SUPT3H: variants seen among roughly 807,000 people sequenced by gnomAD.
SUPT3H encodes the protein SPT3 homolog, SAGA and STAGA complex component.
A neutral mutation model predicts 44.3 loss-of-function variants in SUPT3H; 44 were observed. The ratio of observed to expected loss-of-function variants is 0.99; its 90% CI spans 0.78 to 1.28. The LOEUF (loss-of-function observed/expected upper bound fraction) is 1.28, where lower values mean the gene tolerates loss of function less well. Among genes scored for constraint, SUPT3H ranks in the 50% most tolerant of loss-of-function variants. SUPT3H has a pLI of 0.00. For synonymous variants in SUPT3H, 124 were observed against 125.6 expected, an observed-to-expected ratio of 0.99 and a Z score of 0.09; for missense variants, 380 against 387.1, an observed-to-expected ratio of 0.98 and a Z score of 0.15.
At chr6:44,980,064 G>T (rs547743723) in intron 6 of SUPT3H, among the ~76,000 whole-genome samples, 1 of 152,122 alleles carries the variant, frequency 6.6e-6, no homozygotes, top group Non-Finnish European at 1.5e-5. Flanking sequence ...TCACATAAAT[G>T]AATTCTGGAG....
chr6:45,328,796 C>T, intron 2 of SUPT3H: 1 of 1,611,348 alleles, frequency 6.2e-7, no homozygotes, highest in Non-Finnish European at 8.5e-7. Context: ...TAAGTGTTAC[C>T]ATTTTTAAAA....
chr6:45,253,856 T>TATATATATATATATATATATATAC (rs1166512792), intron 2 of SUPT3H, among the ~76,000 whole-genome samples: 4 of 135,632 alleles, frequency 2.9e-5, no homozygotes, highest in Non-Finnish European at 6.4e-5. Context: ...CGCATATATA[T>TATATATATATATATATATATATAC]ATATATATAT....
chr6:44,876,995 C>A (rs978690908), intron 10 of SUPT3H, among the ~76,000 whole-genome samples: 1 of 152,014 alleles, frequency 6.6e-6, no homozygotes, highest in Non-Finnish European at 1.5e-5. Context: ...GTAGGTTATA[C>A]CTCAAGGAAA....
intron 10 of SUPT3H, among the ~76,000 whole-genome samples, chr6:44,923,289 A>G (rs928864987): frequency 2.0e-5 from 3 of 152,126 alleles, no homozygotes; most frequent in African/African-American, 7.2e-5. Context: ...CCATTAGAGA[A>G]AAGTGATTTG....
At chr6:44,975,515 G>C (rs940722878) in intron 6 of SUPT3H, among the ~76,000 whole-genome samples, 1 of 146,640 alleles carries the variant, frequency 6.8e-6, no homozygotes, top group African/African-American at 2.5e-5. Context: ...TCACTTATAA[G>C]TAAGAACTAA....
intron 1 of SUPT3H, among the ~76,000 whole-genome samples, chr6:45,375,371 A>G (rs1170789434): frequency 6.6e-6 from 1 of 152,200 alleles, no homozygotes; most frequent in Non-Finnish European, 1.5e-5. Context: ...TTGTGCTGGA[A>G]CAATCAGGCT....
chr6:45,356,395 TTTC>T (rs1334219500), intron 2 of SUPT3H, among the ~76,000 whole-genome samples: 1 of 151,914 alleles, frequency 6.6e-6, no homozygotes. Context: ...TCAATTCTCA[TTTC>T]TTTTTTTTTC....
At chr6:45,144,265 C>T (rs1382212583) in intron 2 of SUPT3H, among the ~76,000 whole-genome samples, 3 of 152,066 alleles carry the variant, frequency 2.0e-5, no homozygotes, top group Non-Finnish European at 4.4e-5. Context: ...AGAACATGTT[C>T]CTGATGGACG....
intron 2 of SUPT3H, among the ~76,000 whole-genome samples, chr6:45,272,274 A>G (rs940886946): frequency 2.0e-5 from 3 of 152,104 alleles, no homozygotes; most frequent in African/African-American, 7.2e-5. Context: ...CTGTGTCCCC[A>G]CCCAAACCTC....
chr6:45,300,620 T>C lies in SUPT3H; in HGVS notation c.101+64581A>G, dbSNP rs191565354. Among the ~76,000 whole-genome samples the C allele has an allele frequency of 3.4e-3, 515 of 152,254 alleles. 3 individuals are homozygous for C. Among genetic ancestry groups the C allele is most frequent in the Non-Finnish European group, 3.6e-3 (248 of 68,034 alleles). ...TGGAAGATAGGAAGCGACGGCTTAA[T>C]GGGTTTGGAGTTATCCTATGGGTTG... On this transcript the variant is annotated intron_variant, in intron 2 of 10. Coordinates refer to ENST00000371459, the MANE Select transcript of SUPT3H (RefSeq NM_003599.4).
chr6:45,296,980 A>G (rs1781387278), intron 2 of SUPT3H, among the ~76,000 whole-genome samples: 2 of 151,370 alleles, frequency 1.3e-5, no homozygotes, highest in South Asian at 4.2e-4. Context: ...TAATCTGCTC[A>G]GGTGATGAGT....
At chr6:44,971,094 T>G (rs1465800251) in intron 6 of SUPT3H, among the ~76,000 whole-genome samples, 4 of 152,244 alleles carry the variant, frequency 2.6e-5, no homozygotes, top group East Asian at 3.8e-4. Context: ...TTGTTGCTAC[T>G]ATGTGATTTA....
intron 3 of SUPT3H, among the ~76,000 whole-genome samples, chr6:45,052,561 T>C (rs1790464959): frequency 6.6e-6 from 1 of 152,216 alleles, no homozygotes; most frequent in Non-Finnish European, 1.5e-5. Context: ...TCAATGTAAT[T>C]AGACACCTTT....
At chr6:44,823,768 C>A (rs1174919031), downstream of SUPT3H, among the ~76,000 whole-genome samples, 1 of 152,064 alleles carries the variant, frequency 6.6e-6, no homozygotes, top group Admixed American at 6.5e-5. Context: ...TCGAGACCAA[C>A]CTGGCCAACA....
intron 3 of SUPT3H, among the ~76,000 whole-genome samples, chr6:45,090,278 A>ATG (rs1182958379): frequency 2.0e-5 from 3 of 152,064 alleles, no homozygotes; most frequent in African/African-American, 7.2e-5. Flanking sequence ...CTCAGTGTAA[A>ATG]TAAAAGGATA....
At chr6:44,868,093 T>C (rs1042768576) in intron 10 of SUPT3H, among the ~76,000 whole-genome samples, 2 of 152,222 alleles carry the variant, frequency 1.3e-5, no homozygotes, top group Non-Finnish European at 2.9e-5. Flanking sequence ...CCAAGTTCTT[T>C]TCCCGTTAAA....
Position 44,891,756 on chromosome 6 carries a change from T to C in SUPT3H, c.912+40897A>G, listed in dbSNP as rs185876487. Among the ~76,000 whole-genome samples, 49 of 152,198 alleles carry C rather than the reference T, an allele frequency of 3.2e-4. No homozygotes were observed. The East Asian group carries it at 8.3e-3, about 26-fold the overall frequency. On this transcript the variant is annotated intron_variant, in intron 10 of 10. Coordinates refer to ENST00000371459, the MANE Select transcript of SUPT3H (RefSeq NM_003599.4). ...TAAAAATGGTTACACTGGTAAATTT[T>C]TTATTATGTATATTTTACAATAAAA... is the stretch of plus-strand genomic sequence containing the variant.
intron 2 of SUPT3H, among the ~76,000 whole-genome samples, chr6:45,131,015 C>G (rs1186581080): frequency 6.6e-6 from 1 of 151,946 alleles, no homozygotes; most frequent in Non-Finnish European, 1.5e-5. Context: ...CCACGCCCAG[C>G]CAAGAACACT....
At chr6:44,992,446 T>C (rs2153499116) in intron 6 of SUPT3H, among the ~76,000 whole-genome samples, 1 of 152,308 alleles carries the variant, frequency 6.6e-6, no homozygotes, top group Middle Eastern at 3.4e-3. Flanking sequence ...TAAATGACTC[T>C]GTTTTACTTC....
Sources: gnomAD v4.1 joint callset for allele counts (sites outside exome capture counted in the v4.1 genomes callset) on GRCh38, gnomAD v4.1.1 for gene constraint, MANE v1.5 for transcripts, NCBI Gene and HGNC (gene_info 2026-07-23, HGNC 2026-07-21) for gene names.